CCDC106: variants seen among roughly 807,000 people sequenced by gnomAD.
CCDC106 encodes the protein coiled-coil domain containing 106, also known as coiled-coil domain-containing protein 106.
In CCDC106, 17 loss-of-function variants were observed where a neutral mutation model predicts 24.7. The ratio of observed to expected loss-of-function variants is 0.69; its 90% CI spans 0.47 to 1.03. The LOEUF is 1.03. Among genes scored for constraint, CCDC106 ranks in the 50% least tolerant of loss-of-function variants. The pLI is 0.00. For missense variants in CCDC106, 337 were observed against 388.9 expected (o/e 0.87, Z 1.12); for synonymous variants, 211 against 161.3 (o/e 1.31, Z -2.34).
intron 4 of CCDC106, among the ~76,000 whole-genome samples, chr19:55,651,998 G>A (rs1268110300): frequency 6.6e-6 from 1 of 152,074 alleles, no homozygotes; most frequent in South Asian, 2.1e-4. Context: ...GTCCACCGTC[G>A]AGGGCAGGGC....
At chr19:55,649,703 C>G in intron 3 of CCDC106, 119 bp downstream of exon 3, 1 of 917,478 alleles carries the variant, frequency 1.1e-6, no homozygotes, top group South Asian at 1.7e-5. Flanking sequence ...TTGGCCCTAT[C>G]TGCTAGTCCC....
rs1026580776 is a variant in CCDC106, at chr19:55,648,550, G to A, written c.-497G>A. ...GGGGGAGGGGTGTGGGGGCCCCGAA[G>A]GTAGAGGAGGCAGCGCGCACGGGCT... On this transcript the variant is annotated 5_prime_UTR_variant, in exon 1 of 5. Coordinates refer to ENST00000586790, the MANE Select transcript of CCDC106 (RefSeq NM_001370470.1). 2 of 160,844 alleles carry A rather than the reference G, an allele frequency of 1.2e-5. No homozygotes were observed. Among genetic ancestry groups the A allele is most frequent in the Admixed American group, 5.9e-5 (1 of 17,042 alleles). The allele number at this position is 160,844 out of a possible 1,614,324, so 10.0% of individuals were successfully genotyped here.
chr19:55,649,890 G>A (rs768924621), intron 3 of CCDC106, among the ~76,000 whole-genome samples: 3 of 152,028 alleles, frequency 2.0e-5, no homozygotes, highest in Non-Finnish European at 4.4e-5. Context: ...AGGGACCCTG[G>A]CACCTGAGAG....
At position 55,649,427 on chromosome 19, in the gene CCDC106, C is replaced by T; in HGVS notation, c.156C>T (p.Ser52=). The stretch of plus-strand genomic sequence containing the variant: ...CCCTAGAGCCTCCGGAGGCTGCGTC[C>T]TCCGCCCTGGCTCTGATGAACAGCG... ...RNFEEPPEAA[S]SALALMNSVK... is the part of the protein sequence containing the mutation. The change falls in exon 3 of 5, where the codon TCC becomes TCT. Residue 52 remains serine, a synonymous_variant. Transcript: ENST00000586790. 6.2e-7 allele frequency: 1 copy of T among 1,614,110 alleles called. No homozygotes were observed. Among genetic ancestry groups the T allele is most frequent in the Non-Finnish European group, 8.5e-7 (1 of 1,179,986 alleles).
chr19:55,650,514 C>T lies in CCDC106; in HGVS notation c.314-769C>T, dbSNP rs73936303. ...GAAGACCCCTCAAAAGCTCCCACAT[C>T]TCTCTTTGTGAATTCAACCCTTTCC... On this transcript the variant is annotated intron_variant, in intron 3 of 4. Coordinates refer to ENST00000586790, the MANE Select transcript of CCDC106 (RefSeq NM_001370470.1). Among the ~76,000 whole-genome samples the T allele has an allele frequency of 6.0e-3, 917 of 152,320 alleles. 5 individuals carry two copies. Among genetic ancestry groups the T allele is most frequent in the African/African-American group, 0.021 (877 of 41,584 alleles).
At chr19:55,651,222 C>A in intron 3 of CCDC106, 61 bp from the exon 4 acceptor site, 1 of 1,316,484 alleles carries the variant, frequency 7.6e-7, no homozygotes, top group Non-Finnish European at 1.1e-6. Context: ...CTCTCTCAGT[C>A]CCGGGACCTG....
Position 55,652,603 on chromosome 19 carries a change from G to A in CCDC106, c.700G>A (p.Gly234Ser), listed in dbSNP as rs1467368116. 1 of 1,613,190 alleles carries A rather than the reference G, an allele frequency of 6.2e-7. No individual in the cohort carries two copies. The highest frequency in any genetic ancestry group is 2.2e-5 in the East Asian group (1 of 44,856). ...GGCCCCCGAGAAGCTGGCCGAGGTGGGCGAGTTCGACCCCTCCAAGGAGCG... is the reference window on the plus strand; with the variant it reads ...GGCCCCCGAGAAGCTGGCCGAGGTGAGCGAGTTCGACCCCTCCAAGGAGCG... ...IVAPEKLAEV[G>S]EFDPSKERLL... is the part of the protein sequence containing the mutation. The change falls in exon 5 of 5, where the codon GGC (glycine) becomes AGC (serine). Residue 234 changes from glycine to serine, a missense_variant. Physicochemically the swap from Gly to Ser is moderately conservative, Grantham distance 56. This residue lies in a region of CCDC106 where 103 missense variants were observed against 152.4 expected (regional missense o/e 0.68). Coordinates refer to ENST00000586790, the MANE Select transcript of CCDC106 (RefSeq NM_001370470.1). The surrounding 1 kb of genome is among the most constrained non-coding windows in gnomAD (Gnocchi z 5.9).
intron 3 of CCDC106, among the ~76,000 whole-genome samples, chr19:55,650,520 T>G (rs1029155539): frequency 6.6e-6 from 1 of 152,142 alleles, no homozygotes; most frequent in Non-Finnish European, 1.5e-5. Context: ...ACATCTCTCT[T>G]TGTGAATTCA....
chr19:55,649,332 G>A (rs1983082073), intron 2 of CCDC106, 23 bp downstream of exon 2: 1 of 1,612,570 alleles, frequency 6.2e-7, no homozygotes, highest in African/African-American at 1.3e-5. Context: ...GGTGTGGAGG[G>A]ACTGGAGTCA....
rs1273671631 is a variant in CCDC106, at chr19:55,652,964, G to A, written c.*218G>A. On this transcript the variant is annotated 3_prime_UTR_variant, in exon 5 of 5. Coordinates refer to ENST00000586790, the MANE Select transcript of CCDC106 (RefSeq NM_001370470.1). This position sits in a 1 kb window ranked among gnomAD's most constrained non-coding sequence, Gnocchi z 5.9. Reference sequence around the variant, plus strand: ...GCTTGGGCTGCCCAGCCCTGTCCTCGCCGGGCCCCTTCCTCCTGGAAAACC... The same window carrying A: ...GCTTGGGCTGCCCAGCCCTGTCCTCACCGGGCCCCTTCCTCCTGGAAAACC... 9.4e-6 allele frequency: 5 copies of A among 532,004 alleles called. No homozygotes were observed. Among genetic ancestry groups the A allele is most frequent in the South Asian group, 2.3e-5 (1 of 43,220 alleles). The allele number at this position is 532,004 out of a possible 1,614,324, so 33.0% of individuals were successfully genotyped here.
At position 55,649,570 on chromosome 19, in the gene CCDC106, C is replaced by G; in HGVS notation, c.299C>G (p.Ala100Gly). 1 of 1,613,770 alleles carries G rather than the reference C, an allele frequency of 6.2e-7. No homozygotes were observed. The highest frequency in any genetic ancestry group is 8.5e-7 in the Non-Finnish European group (1 of 1,179,806). ...RCQLDKFISSARMEAEDHCRM... is the reference protein window; with the variant it reads ...RCQLDKFISSGRMEAEDHCRM... ...CAGCTGGACAAATTCATCTCTTCTG[C>G]TCGGATGGAGGCAGGTGTGTGTGGG... is the stretch of plus-strand genomic sequence containing the variant. The change falls in exon 3 of 5, where the codon GCT becomes GGT. Residue 100 changes from alanine (A) to glycine (G), a missense_variant. Around this residue, in one of 2 missense-constraint regions of CCDC106, gnomAD observed 234 missense variants for 236.5 expected, o/e 0.99. Transcript: ENST00000586790.
At position 55,652,508 on chromosome 19, in the gene CCDC106, C is replaced by A. The variant is rs1456943046; in HGVS notation, c.605C>A (p.Ala202Asp). ...CAGAAGCTCAAGAGCATGTCGCGGG[C>A]CTTCGAGCACCACCGCGTGGACAGG... Reference protein sequence around the residue: ...TFQKLKSMSRAFEHHRVDRNT... With the variant: ...TFQKLKSMSRDFEHHRVDRNT... Residue 202 changes from alanine to aspartate, a missense_variant, in exon 5 of 5, where the codon GCC (alanine) becomes GAC (aspartate). By Grantham distance (126) the Ala-to-Asp change is moderately radical (BLOSUM62 -2). Around this residue, in one of 2 missense-constraint regions of CCDC106, gnomAD observed 103 missense variants for 152.4 expected, o/e 0.68. Transcript: ENST00000586790. The surrounding 1 kb of genome is among the most constrained non-coding windows in gnomAD (Gnocchi z 5.9). 1 of 1,613,458 alleles carries A rather than the reference C, an allele frequency of 6.2e-7. No homozygotes were observed. Among genetic ancestry groups the A allele is most frequent in the East Asian group, 2.2e-5 (1 of 44,850 alleles).
chr19:55,650,424 T>C (rs1420428286), intron 3 of CCDC106, among the ~76,000 whole-genome samples: 1 of 152,066 alleles, frequency 6.6e-6, no homozygotes, highest in Non-Finnish European at 1.5e-5. Context: ...CGACAGCCCA[T>C]GGCCTGGAGA....
At chr19:55,651,066 C>T (rs909659295) in intron 3 of CCDC106, among the ~76,000 whole-genome samples, 1 of 152,210 alleles carries the variant, frequency 6.6e-6, no homozygotes, top group Non-Finnish European at 1.5e-5. Flanking sequence ...CCAACCCAGG[C>T]CTCTGAGAAA....
chr19:55,649,796 G>A (rs886484023), intron 3 of CCDC106: 51 of 573,838 alleles, frequency 8.9e-5, no homozygotes, highest in East Asian at 8.8e-4. Flanking sequence ...ACTGGGGCCC[G>A]TCCTCCTGCC....
chr19:55,652,926 G>A lies in CCDC106; in HGVS notation c.*180G>A. On this transcript the variant is annotated 3_prime_UTR_variant, in exon 5 of 5. Transcript: ENST00000586790. The surrounding 1 kb of genome is among the most constrained non-coding windows in gnomAD (Gnocchi z 5.9). ...CGGCCGCGGCCCCTTCCCGAACGCC[G>A]GCACCCCCTTCCGCTTGGGCTGCCC... 1.7e-6 allele frequency: 1 copy of A among 590,986 alleles called. No homozygotes were observed. Among genetic ancestry groups the A allele is most frequent in the Non-Finnish European group, 3.0e-6 (1 of 337,148 alleles). 36.6% of individuals were successfully genotyped at this position (590,986 alleles called of 1,614,324 possible). A position where few individuals can be genotyped will look rare whatever the true frequency, so the allele number is the denominator to read the frequency against.
At chr19:55,649,901 C>G (rs1216440882) in intron 3 of CCDC106, among the ~76,000 whole-genome samples, 1 of 152,170 alleles carries the variant, frequency 6.6e-6, no homozygotes, top group East Asian at 1.9e-4. Context: ...CACCTGAGAG[C>G]CCCTCTCTTC....
intron 3 of CCDC106, among the ~76,000 whole-genome samples, chr19:55,650,611 T>C (rs11670173): frequency 0.065 from 9,824 of 152,308 alleles, 432 homozygotes; most frequent in Middle Eastern, 0.12. Flanking sequence ...TCTGGGGATC[T>C]GGCTTTCCCT....
Position 55,652,859 on chromosome 19 carries a change from G to C in CCDC106, c.*113G>C. On this transcript the variant is annotated 3_prime_UTR_variant, in exon 5 of 5. Transcript: ENST00000586790. This position sits in a 1 kb window ranked among gnomAD's most constrained non-coding sequence, Gnocchi z 5.9. Reference sequence around the variant, plus strand: ...CCCCTCCTCCTCGCTCCCTGGGTTGGGGGCTCCCTTAGCCGGGCCCCCAAG... The same window carrying C: ...CCCCTCCTCCTCGCTCCCTGGGTTGCGGGCTCCCTTAGCCGGGCCCCCAAG... 1 of 978,214 alleles carries C rather than the reference G, an allele frequency of 1.0e-6. No individual in the cohort carries two copies. The highest frequency in any genetic ancestry group is 1.6e-5 in the South Asian group (1 of 62,180). 60.6% of individuals were successfully genotyped at this position (978,214 alleles called of 1,614,324 possible).
Sources: gnomAD v4.1 joint callset for allele counts (sites outside exome capture counted in the v4.1 genomes callset) on GRCh38, gnomAD v4.1.1 for gene constraint, gnomAD v4.1.1 regional missense constraint, Gnocchi (gnomAD v3.1) non-coding constraint, MANE v1.5 for transcripts, NCBI Gene and HGNC (gene_info 2026-07-23, HGNC 2026-07-21) for gene names.